The following SPNS3 variants were observed in gnomAD, a reference collection of about 807,000 sequenced individuals.
The protein encoded by SPNS3 is protein spinster homolog 3.
Under a neutral mutation model 54.4 loss-of-function variants are expected in SPNS3, and 51 were observed. That is an observed-to-expected ratio of 0.94 (90% CI 0.75 to 1.18). SPNS3 has a LOEUF of 1.18. Among genes scored for constraint, SPNS3 ranks in the 50% most tolerant of loss-of-function variants. SPNS3 has a pLI of 0.00. For missense variants in SPNS3, 669 were observed against 677.4 expected (o/e 0.99, Z 0.14); for synonymous variants, 309 against 294.7 (o/e 1.05, Z -0.50).
Position 4,459,628 on chromosome 17 carries a change from G to A in SPNS3, c.1113+6423G>A, listed in dbSNP as rs147750106. On this transcript the variant is annotated intron_variant, in intron 8 of 11. Coordinates refer to ENST00000355530, the MANE Select transcript of SPNS3 (RefSeq NM_182538.5). Reference sequence around the variant, plus strand: ...CTGGGGAGGCTGAGGCAGGAGAATCGCTTGAACCCAGAAGGTGGAGGTTGC... The same window carrying A: ...CTGGGGAGGCTGAGGCAGGAGAATCACTTGAACCCAGAAGGTGGAGGTTGC... Among the ~76,000 whole-genome samples, 1,169 of 151,966 alleles carry A rather than the reference G, an allele frequency of 7.7e-3. 7 individuals carry two copies. Among genetic ancestry groups the A allele is most frequent in the Middle Eastern group, 0.024 (7 of 294 alleles).
At chr17:4,461,143 TTATATTA>T (rs1417510490) in intron 8 of SPNS3, among the ~76,000 whole-genome samples, 1 of 152,038 alleles carries the variant, frequency 6.6e-6, no homozygotes, top group Non-Finnish European at 1.5e-5. Context: ...ACACAATAGT[TTATATTA>T]TATAACAGTT....
At chr17:4,471,176 G>A (rs191394286) in intron 8 of SPNS3, among the ~76,000 whole-genome samples, 7 of 152,056 alleles carry the variant, frequency 4.6e-5, no homozygotes, top group Admixed American at 1.3e-4. Context: ...CACCCGCCTC[G>A]GCCTCCCAAA....
In SPNS3 at chr17:4,445,021, G is replaced by A. The variant is rs1483118010; in HGVS notation, c.266-11G>A. The A allele has an allele frequency of 3.1e-6, 5 of 1,611,770 alleles. No homozygotes were observed. The highest frequency in any genetic ancestry group is 1.3e-5 in the African/African-American group (1 of 74,916). On this transcript the variant is annotated splice_polypyrimidine_tract_variant and intron_variant, in intron 2 of 11. Coordinates refer to ENST00000355530, the MANE Select transcript of SPNS3 (RefSeq NM_182538.5). ...GGGGGGATCCAGGCTGCCCCTGTGT[G>A]TCTCCTTCAGTCTTCGTTAGCTGCC...
chr17:4,464,520 G>A (rs1971625936), intron 8 of SPNS3, among the ~76,000 whole-genome samples: 1 of 152,062 alleles, frequency 6.6e-6, no homozygotes, highest in Non-Finnish European at 1.5e-5. Flanking sequence ...GAAAGACCTG[G>A]CCATCATTCC....
chr17:4,448,139 GC>G lies in SPNS3; in HGVS notation c.622-13del. ...TAATATGCGGCCCTGAGCTTCCTGG[GC>G]CCTCCTGTCCCCAGGTCATGCCCTG... On this transcript the variant is annotated splice_polypyrimidine_tract_variant and intron_variant, in intron 5 of 11. Coordinates refer to ENST00000355530, the MANE Select transcript of SPNS3 (RefSeq NM_182538.5). 6.4e-7 allele frequency: 1 copy of G among 1,566,786 alleles called. No individual in the cohort carries two copies. The highest frequency in any genetic ancestry group is 8.6e-7 in the Non-Finnish European group (1 of 1,161,572).
In SPNS3 at chr17:4,445,187, G is replaced by T; in HGVS notation, c.402+19G>T. ...CCCCCGGGTACGTGTCCATGCCCCT[G>T]TCCAGGCCCCTGAGGCCCCTTCCCC... On this transcript the variant is annotated intron_variant, in intron 3 of 11. Coordinates refer to ENST00000355530, the MANE Select transcript of SPNS3 (RefSeq NM_182538.5). 1.3e-6 allele frequency: 2 copies of T among 1,598,646 alleles called. No homozygotes were observed. The highest frequency in any genetic ancestry group is 1.7e-4 in the Middle Eastern group (1 of 5,966).
intron 1 of SPNS3, among the ~76,000 whole-genome samples, chr17:4,438,940 C>CTGTGTG (rs35255085): frequency 1.0e-4 from 15 of 149,390 alleles, no homozygotes; most frequent in African/African-American, 3.5e-4. Context: ...GAGTGAGTTC[C>CTGTGTG]TGTGTGTGTG....
chr17:4,488,067 T>C lies in SPNS3; in HGVS notation c.*173T>C. 1 of 634,406 alleles carries C rather than the reference T, an allele frequency of 1.6e-6. No individual in the cohort carries two copies. Among genetic ancestry groups the C allele is most frequent in the East Asian group, 2.7e-5 (1 of 36,450 alleles). 39.3% of individuals were successfully genotyped at this position (634,406 alleles called of 1,614,324 possible). A position where few individuals can be genotyped will look rare whatever the true frequency, so the allele number is the denominator to read the frequency against. ...TGTGGCTGGGCTGGGAATGGAGCTG[T>C]CAGCACTCTGCGTGGGAGGCCTGGG... On this transcript the variant is annotated 3_prime_UTR_variant, in exon 12 of 12. Coordinates refer to ENST00000355530, the MANE Select transcript of SPNS3 (RefSeq NM_182538.5).
At chr17:4,479,512 CCTT>C (rs1430570086) in intron 9 of SPNS3, among the ~76,000 whole-genome samples, 32 of 152,358 alleles carry the variant, frequency 2.1e-4, no homozygotes, top group Admixed American at 1.3e-3. Context: ...CTCCTTGCCT[CCTT>C]CTGGGAGGCA....
At chr17:4,439,555 G>T (rs772910306) in intron 1 of SPNS3, 103 bp from the exon 2 acceptor site, 4 of 996,494 alleles carry the variant, frequency 4.0e-6, no homozygotes, top group Non-Finnish European at 6.1e-6. Flanking sequence ...CATGCCCTGT[G>T]CTGTGCTGGT....
chr17:4,485,894 G>A (rs1334247331), intron 9 of SPNS3, among the ~76,000 whole-genome samples: 1 of 152,240 alleles, frequency 6.6e-6, no homozygotes, highest in Non-Finnish European at 1.5e-5. Context: ...TTGTGCTGCT[G>A]CATCCTGGGC....
rs1370839120 is a variant in SPNS3 at position 4,486,989 on chromosome 17, T to G, written c.1450+406T>G. On this transcript the variant is annotated intron_variant, in intron 11 of 11. Coordinates refer to ENST00000355530, the MANE Select transcript of SPNS3 (RefSeq NM_182538.5). This position sits in a 1 kb window ranked among gnomAD's most constrained non-coding sequence, Gnocchi z 5.5. ...GAGTTCAAGACCAGCCTGGGCAACA[T>G]GGTGAAGCCCTGTCTCTACTAAAAA... 6.6e-6 allele frequency among the ~76,000 whole-genome samples: 1 copy of G among 151,624 alleles called. No homozygotes were observed. Among genetic ancestry groups the G allele is most frequent in the African/African-American group, 2.4e-5 (1 of 41,202 alleles).
At chr17:4,440,013 G>A (rs923443365) in intron 2 of SPNS3, among the ~76,000 whole-genome samples, 9 of 152,132 alleles carry the variant, frequency 5.9e-5, no homozygotes, top group Non-Finnish European at 8.8e-5. Flanking sequence ...CCTTCCCTTC[G>A]TGTTGGTGAG....
intron 6 of SPNS3, 70 bp downstream of exon 6, chr17:4,448,373 C>T (rs1190303686): frequency 7.3e-7 from 1 of 1,378,948 alleles, no homozygotes. Flanking sequence ...CATTGACCCC[C>T]TCTCTCCACC....
chr17:4,447,654 A>T (rs867323286), intron 5 of SPNS3, among the ~76,000 whole-genome samples: 1 of 152,076 alleles, frequency 6.6e-6, no homozygotes. Context: ...GGCTTGAATA[A>T]ACCTTCTCAT....
Position 4,460,397 on chromosome 17 carries a change from C to T in SPNS3, c.1113+7192C>T, listed in dbSNP as rs180773862. ...ATTCCTGGGATATGTTTGCCATGGTCATTGTGGGTAATCATTTTTATGTAT... is the reference window on the plus strand; with the variant it reads ...ATTCCTGGGATATGTTTGCCATGGTTATTGTGGGTAATCATTTTTATGTAT... On this transcript the variant is annotated intron_variant, in intron 8 of 11. Transcript: ENST00000355530. Among the ~76,000 whole-genome samples, 627 of 149,552 alleles carry T rather than the reference C, an allele frequency of 4.2e-3. 1 individual carries two copies. The highest frequency in any genetic ancestry group is 7.2e-3 in the Middle Eastern group (2 of 278).
At chr17:4,487,167 C>CAAAAA (rs35822922) in intron 11 of SPNS3, among the ~76,000 whole-genome samples, 4 of 70,516 alleles carry the variant, frequency 5.7e-5, no homozygotes, top group Non-Finnish European at 1.0e-4. Context: ...AAGACTGTCT[C>CAAAAA]AAAAAAAAAA....
intron 3 of SPNS3, among the ~76,000 whole-genome samples, chr17:4,445,520 C>T (rs144342625): frequency 6.6e-5 from 10 of 152,188 alleles, no homozygotes; most frequent in Non-Finnish European, 1.2e-4. Flanking sequence ...GGATACCAGG[C>T]GCGTGCCACC....
chr17:4,455,620 G>A (rs565143263), intron 8 of SPNS3, among the ~76,000 whole-genome samples: 19 of 152,200 alleles, frequency 1.2e-4, no homozygotes, highest in African/African-American at 3.9e-4. Flanking sequence ...CTCCCTCCAC[G>A]GTGTCCATCT....
Sources: allele counts gnomAD v4.1 joint callset (sites outside exome capture counted in the v4.1 genomes callset), GRCh38; gene constraint gnomAD v4.1.1; non-coding constraint Gnocchi (gnomAD v3.1); transcripts MANE v1.5; gene names NCBI Gene and HGNC (gene_info 2026-07-23, HGNC 2026-07-21).